BMPR1B: variants seen among roughly 807,000 people sequenced by gnomAD.
BMPR1B encodes the protein bone morphogenetic protein receptor type 1B, also known as bone morphogenetic protein receptor type-1B.
A neutral mutation model predicts 59.1 loss-of-function variants in BMPR1B; 12 were observed. That is an observed-to-expected ratio of 0.20 (90% CI 0.13 to 0.33). The LOEUF is 0.33. Among genes scored for constraint, BMPR1B ranks in the 10% least tolerant of loss-of-function variants. The pLI is 1.00. For synonymous variants in BMPR1B, 237 were observed against 207.3 expected (o/e 1.14, Z -1.23); for missense variants, 550 against 610.9 (o/e 0.90, Z 1.05).
chr4:95,137,906 A>C (rs2149311509), intron 10 of BMPR1B, among the ~76,000 whole-genome samples: 1 of 152,288 alleles, frequency 6.6e-6, no homozygotes, highest in South Asian at 2.1e-4. Context: ...GCCCATTTAC[A>C]TTTAAGGTTA....
chr4:94,876,130 G>A (rs1726722161), intron 2 of BMPR1B, among the ~76,000 whole-genome samples: 1 of 152,194 alleles, frequency 6.6e-6, no homozygotes, highest in South Asian at 2.1e-4. Context: ...TAATGAGAAA[G>A]TAACTTGTGC....
intron 2 of BMPR1B, among the ~76,000 whole-genome samples, chr4:94,914,340 A>G (rs1033385527): frequency 6.6e-6 from 1 of 152,178 alleles, no homozygotes; most frequent in Non-Finnish European, 1.5e-5. Context: ...TGGTTTTGTA[A>G]TATTGGGTTG....
chr4:94,968,821 A>G (rs1472806944), intron 2 of BMPR1B, among the ~76,000 whole-genome samples: 1 of 152,044 alleles, frequency 6.6e-6, no homozygotes, highest in Non-Finnish European at 1.5e-5. Flanking sequence ...TTTGTATAAT[A>G]CTCATATGTA....
At chr4:94,792,990 G>A (rs999947168) in intron 1 of BMPR1B, among the ~76,000 whole-genome samples, 1 of 142,286 alleles carries the variant, frequency 7.0e-6, no homozygotes, top group Non-Finnish European at 1.5e-5. Context: ...TCCAATAGAA[G>A]GATCTATAGA....
intron 3 of BMPR1B, among the ~76,000 whole-genome samples, chr4:95,000,180 T>G (rs186106290): frequency 6.6e-6 from 1 of 152,284 alleles, no homozygotes; most frequent in African/African-American, 2.4e-5. Context: ...TTTCCACTAC[T>G]ATTTAAACCT....
intron 1 of BMPR1B, among the ~76,000 whole-genome samples, chr4:94,793,448 T>A (rs1448282967): frequency 6.6e-6 from 1 of 151,450 alleles, no homozygotes; most frequent in Non-Finnish European, 1.5e-5. Flanking sequence ...TCCAAGTCTT[T>A]GCTATCGTGA....
At chr4:95,126,088 C>T (rs1173527433) in intron 8 of BMPR1B, among the ~76,000 whole-genome samples, 1 of 152,116 alleles carries the variant, frequency 6.6e-6, no homozygotes, top group Non-Finnish European at 1.5e-5. Context: ...TCTCAGTTAC[C>T]CCAGACTAAG....
intron 2 of BMPR1B, among the ~76,000 whole-genome samples, chr4:94,891,488 G>A (rs1306206788): frequency 6.6e-6 from 1 of 152,078 alleles, no homozygotes; most frequent in Non-Finnish European, 1.5e-5. Flanking sequence ...AACTTAAGAA[G>A]TATTATAGTG....
At chr4:94,890,622 T>C (rs1458267221) in intron 2 of BMPR1B, among the ~76,000 whole-genome samples, 1 of 152,104 alleles carries the variant, frequency 6.6e-6, no homozygotes, top group Admixed American at 6.6e-5. Context: ...TTTATTTTTT[T>C]CCACAGTTCT....
chr4:95,030,128 C>T (rs897453713), intron 3 of BMPR1B, among the ~76,000 whole-genome samples: 7 of 151,788 alleles, frequency 4.6e-5, no homozygotes, highest in Admixed American at 1.3e-4. Context: ...TAATGAGATC[C>T]CATTTGTCAA....
chr4:94,783,588 G>T (rs1722660158), intron 1 of BMPR1B, among the ~76,000 whole-genome samples: 1 of 152,188 alleles, frequency 6.6e-6, no homozygotes, highest in Non-Finnish European at 1.5e-5. Context: ...GGGTGTAGTA[G>T]CCTGTTTCTC....
chr4:95,021,851 C>T (rs6831683), intron 3 of BMPR1B, among the ~76,000 whole-genome samples: 1,895 of 152,226 alleles, frequency 0.012, 32 homozygotes, highest in African/African-American at 0.044. Flanking sequence ...TTGAACTGGT[C>T]TATTCTCATG....
intron 8 of BMPR1B, among the ~76,000 whole-genome samples, chr4:95,126,141 T>C (rs1040883165): frequency 2.0e-5 from 3 of 152,226 alleles, no homozygotes; most frequent in Non-Finnish European, 4.4e-5. Context: ...TTTTTAGCAC[T>C]AATAATGGCC....
chr4:95,094,157 G>A (rs1044465983), intron 3 of BMPR1B, among the ~76,000 whole-genome samples: 1 of 152,036 alleles, frequency 6.6e-6, no homozygotes, highest in Non-Finnish European at 1.5e-5. Flanking sequence ...TGAGGACACC[G>A]TCAAGTACTC....
intron 2 of BMPR1B, among the ~76,000 whole-genome samples, chr4:94,994,394 C>T (rs1214257249): frequency 1.3e-5 from 2 of 152,232 alleles, no homozygotes; most frequent in African/African-American, 2.4e-5. Context: ...TCTGCCCATT[C>T]TTTAGGATCC....
At chr4:95,008,136 T>C (rs1350042943) in intron 3 of BMPR1B, among the ~76,000 whole-genome samples, 1 of 152,178 alleles carries the variant, frequency 6.6e-6, no homozygotes, top group Non-Finnish European at 1.5e-5. Context: ...TGTTGGTATG[T>C]CAGTAAAGAG....
chr4:94,925,519 A>G (rs1236472090), intron 2 of BMPR1B, among the ~76,000 whole-genome samples: 1 of 152,134 alleles, frequency 6.6e-6, no homozygotes, highest in Non-Finnish European at 1.5e-5. Context: ...CCTAAGTGTT[A>G]TCAGAAGTTA....
intron 2 of BMPR1B, among the ~76,000 whole-genome samples, chr4:94,883,778 C>CT (rs1727068968): frequency 6.6e-6 from 1 of 151,990 alleles, no homozygotes; most frequent in Non-Finnish European, 1.5e-5. Context: ...TTCAGTAATC[C>CT]TTTGAGGAAC....
chr4:94,829,754 A>G (rs1724508680), intron 1 of BMPR1B, among the ~76,000 whole-genome samples: 1 of 152,208 alleles, frequency 6.6e-6, no homozygotes, highest in African/African-American at 2.4e-5. Context: ...CAAGGTGCTA[A>G]GGGAAAAGGA....
Sources: gnomAD v4.1 joint callset for allele counts (sites outside exome capture counted in the v4.1 genomes callset) on GRCh38, gnomAD v4.1.1 for gene constraint, MANE v1.5 for transcripts, NCBI Gene and HGNC (gene_info 2026-07-23, HGNC 2026-07-21) for gene names.